LMNTD2: variants seen among roughly 807,000 people sequenced by gnomAD.
LMNTD2 encodes lamin tail domain containing 2.
In LMNTD2, 83 loss-of-function variants were observed where a neutral mutation model predicts 70.1. That is an observed-to-expected ratio of 1.18 (90% confidence interval 0.99 to 1.42). The LOEUF (loss-of-function observed/expected upper bound fraction) is 1.42. Among genes scored for constraint, LMNTD2 ranks in the 40% most tolerant of loss-of-function variants. LMNTD2 has a pLI of 0.00. For missense variants in LMNTD2, 1,153 were observed against 905.9 expected, an observed-to-expected ratio of 1.27 and a Z score of -3.50; for synonymous variants, 534 against 406.1, an observed-to-expected ratio of 1.31 and a Z score of -3.79.
intron 1 of LMNTD2, 165 bp downstream of exon 1, chr11:560,511 TGCGGTAG>T: frequency 7.9e-7 from 1 of 1,269,396 alleles, no homozygotes; most frequent in Non-Finnish European, 1.0e-6. Flanking sequence ...CTACTGCAGC[TGCGGTAG>T]GCCCCAAAGG....
In LMNTD2 at chr11:556,332, ACTT is replaced by A. The variant is rs771566028; in HGVS notation, c.1114_1116del (p.Lys372del). 1,105 of 1,535,850 alleles carry A rather than the reference ACTT, an allele frequency of 7.2e-4. No homozygotes were observed. The highest frequency in any genetic ancestry group is 9.3e-4 in the Non-Finnish European group (1,072 of 1,146,602). On this transcript the variant is annotated inframe_deletion, in exon 10 of 14. Transcript: ENST00000329451. ...TGCGACGGGTTGAAGATGCGGACGA[ACTT>A]CTCCCGGCAGCTCACAGCCACGATC...
Position 556,846 on chromosome 11 carries a change from C to G in LMNTD2, c.965G>C (p.Arg322Thr), listed in dbSNP as rs746009910. Reference protein sequence around the residue: ...QALVQAGSYSRDSEDLQKTHS... With the variant: ...QALVQAGSYSTDSEDLQKTHS... Reference sequence around the variant, plus strand: ...CCGCCCCACTGCACCTTCTGAGTCCCTGCTGTAGCTGCCGGCCTGCACCAG... The same window carrying G: ...CCGCCCCACTGCACCTTCTGAGTCCGTGCTGTAGCTGCCGGCCTGCACCAG... The change falls in exon 8 of 14, where the codon AGG becomes ACG. Residue 322 changes from arginine to threonine, a missense_variant. Coordinates refer to ENST00000329451, the MANE Select transcript of LMNTD2 (RefSeq NM_173573.3). 7 of 1,578,728 alleles carry G rather than the reference C, an allele frequency of 4.4e-6. No homozygotes were observed. Among genetic ancestry groups the G allele is most frequent in the South Asian group, 2.3e-5 (2 of 86,712 alleles).
intron 1 of LMNTD2, 180 bp downstream of exon 1, chr11:560,503 A>C: frequency 7.9e-7 from 1 of 1,262,196 alleles, no homozygotes. Context: ...CGTCCAGACT[A>C]CTGCAGCTGC....
At chr11:560,661 A>G (rs1362728723) in intron 1 of LMNTD2, 22 bp downstream of exon 1, 1 of 1,415,800 alleles carries the variant, frequency 7.1e-7, no homozygotes, top group Non-Finnish European at 9.3e-7. Context: ...AAGTCGGCCC[A>G]GGAGCGGGGC....
chr11:558,792 T>C (rs1373285982), intron 2 of LMNTD2, 26 bp from the exon 3 acceptor site: 1 of 1,600,142 alleles, frequency 6.2e-7, no homozygotes, highest in East Asian at 2.2e-5. Context: ...ACCCTGCTGC[T>C]TACTCAGGCC....
At chr11:559,792 C>T in intron 1 of LMNTD2, 1 of 1,035,496 alleles carries the variant, frequency 9.7e-7, no homozygotes, top group East Asian at 7.8e-5. Flanking sequence ...CAGGGTCTTG[C>T]TCCGCTGTCC....
intron 1 of LMNTD2, chr11:559,649 C>T (rs1430615565): frequency 1.4e-5 from 16 of 1,179,506 alleles, no homozygotes; most frequent in Non-Finnish European, 1.7e-5. Flanking sequence ...TGAGCCAGCC[C>T]AGCATAGCCA....
chr11:556,690 G>T, intron 8 of LMNTD2, 102 bp from the exon 9 acceptor site: 1 of 1,408,452 alleles, frequency 7.1e-7, no homozygotes, highest in Admixed American at 2.7e-5. Context: ...GCGGGGCAGG[G>T]AGCAGGGCCA....
chr11:554,959 C>T lies in LMNTD2; in HGVS notation c.*21G>A, dbSNP rs901415403. The T allele has an allele frequency of 9.8e-6, 15 of 1,530,286 alleles. No individual in the cohort carries two copies. The highest frequency in any genetic ancestry group is 8.5e-5 in the African/African-American group (6 of 70,316). 94.8% of individuals were successfully genotyped at this position (1,530,286 alleles called of 1,614,324 possible). Reference sequence around the variant, plus strand: ...GCCCGCCCGCGCCCTCCCTCGCGGTCCCGGCCCCACTCCTCCGCCCCTAGG... The same window carrying T: ...GCCCGCCCGCGCCCTCCCTCGCGGTTCCGGCCCCACTCCTCCGCCCCTAGG... On this transcript the variant is annotated 3_prime_UTR_variant, in exon 14 of 14. Coordinates refer to ENST00000329451, the MANE Select transcript of LMNTD2 (RefSeq NM_173573.3).
chr11:556,601 G>C lies in LMNTD2; in HGVS notation c.977-13C>G, dbSNP rs1218350911. ...GTTTTCTGGAGATCTAGAGAGAGCA[G>C]CGCTTTTGGGGAGGGGACCCTCGAA... On this transcript the variant is annotated splice_polypyrimidine_tract_variant and intron_variant, in intron 8 of 13. Transcript: ENST00000329451. The C allele has an allele frequency of 5.3e-6, 8 of 1,506,648 alleles. No individual in the cohort carries two copies. The highest frequency in any genetic ancestry group is 7.1e-6 in the Non-Finnish European group (8 of 1,127,474). 93.3% of individuals were successfully genotyped at this position (1,506,648 alleles called of 1,614,324 possible). A position where few individuals can be genotyped will look rare whatever the true frequency, so the allele number is the denominator to read the frequency against.
In LMNTD2 at chr11:558,263, ACCT is replaced by A; in HGVS notation, c.312-18_312-16del. The A allele has an allele frequency of 6.2e-7, 1 of 1,612,348 alleles. No homozygotes were observed. Reference sequence around the variant, plus strand: ...TGTGGGAGCTCCTGGAGGAGGGGTGACCTCAGCAGCCCCCACCCTGCTCAGGCA... The same window carrying A: ...TGTGGGAGCTCCTGGAGGAGGGGTGACAGCAGCCCCCACCCTGCTCAGGCA... On this transcript the variant is annotated splice_polypyrimidine_tract_variant and intron_variant, in intron 3 of 13. Coordinates refer to ENST00000329451, the MANE Select transcript of LMNTD2 (RefSeq NM_173573.3).
Position 555,170 on chromosome 11 carries a change from A to C in LMNTD2, c.1774-59T>G, listed in dbSNP as rs185023785. 2.2e-3 allele frequency: 443 copies of C among 201,822 alleles called. No individual in the cohort carries two copies. The highest frequency in any genetic ancestry group is 4.1e-3 in the Middle Eastern group (4 of 972). The allele number at this position is 201,822 out of a possible 1,614,324, so 12.5% of individuals were successfully genotyped here. ...CGGGGCGGGGACGGGAGGGGAGGGG[A>C]GGGGAGGAGAGGGGAGGGGCGGGGA... On this transcript the variant is annotated intron_variant, in intron 13 of 13. Transcript: ENST00000329451.
chr11:556,683 G>C, intron 8 of LMNTD2, 95 bp from the exon 9 acceptor site: 6 of 1,405,774 alleles, frequency 4.3e-6, no homozygotes, highest in African/African-American at 1.4e-5. Context: ...ACGCCTGGCG[G>C]GGCAGGGAGC....
intron 13 of LMNTD2, 38 bp downstream of exon 13, chr11:555,241 CGGGAGAGGAGAGGAGGAGAACGAGGA>C: frequency 4.3e-6 from 3 of 698,404 alleles, no homozygotes; most frequent in Non-Finnish European, 5.1e-6. Context: ...GAGGGAGGGG[CGGGAGAGGAGAGGAGGAGAACGAGGA>C]GGGAGAGGAG....
chr11:558,137 C>T (rs1207002793), intron 4 of LMNTD2, 24 bp downstream of exon 4: 2 of 1,612,170 alleles, frequency 1.2e-6, no homozygotes, highest in South Asian at 1.1e-5. Context: ...AGGACCCTGC[C>T]CACTCCCTGT....
At position 556,918 on chromosome 11, in the gene LMNTD2, A is replaced by G. The variant is rs765335395; in HGVS notation, c.893T>C (p.Val298Ala). The G allele has an allele frequency of 2.5e-6, 4 of 1,596,882 alleles. No homozygotes were observed. Among genetic ancestry groups the G allele is most frequent in the Admixed American group, 1.7e-5 (1 of 58,684 alleles). ...CRPGLPSFVQ[V>A]IGHPPRDHRA... ...GTGGTCCCGGGGCGGGTGCCCTATC[A>G]CCTGCACGAAGGAAGGCAGGCCCGG... Residue 298 changes from valine (V) to alanine (A), a missense_variant, in exon 8 of 14, where the codon GTG (valine) becomes GCG (alanine). Coordinates refer to ENST00000329451, the MANE Select transcript of LMNTD2 (RefSeq NM_173573.3).
chr11:557,455 G>A lies in LMNTD2; in HGVS notation c.657C>T (p.Ser219=), dbSNP rs757072911. ...AGAGGTTGGGATACCGGCGGGCAACGCTGTTCCAATCCACGTCCTCCAGCC... is the reference window on the plus strand; with the variant it reads ...AGAGGTTGGGATACCGGCGGGCAACACTGTTCCAATCCACGTCCTCCAGCC... The part of the protein sequence containing the change: ...GFRLEDVDWN[S]VARRYPNLFT... Residue 219 remains serine (S), a synonymous_variant, in exon 7 of 14, where the codon AGC becomes AGT. Coordinates refer to ENST00000329451, the MANE Select transcript of LMNTD2 (RefSeq NM_173573.3). 48 of 1,609,392 alleles carry A rather than the reference G, an allele frequency of 3.0e-5. 1 individual carries two copies. Among genetic ancestry groups the A allele is most frequent in the East Asian group, 4.5e-5 (2 of 44,726 alleles).
intron 8 of LMNTD2, 106 bp from the exon 9 acceptor site, chr11:556,694 A>AG: frequency 7.1e-7 from 1 of 1,406,968 alleles, no homozygotes; most frequent in South Asian, 1.5e-5. Context: ...GGCAGGGAGC[A>AG]GGGCCAGGGT....
rs777548733 is a variant in LMNTD2 at position 555,454 on chromosome 11, G to A, written c.1624C>T (p.Arg542Trp). The change falls in exon 13 of 14, where the codon CGG (arginine) becomes TGG (tryptophan). Residue 542 changes from arginine to tryptophan, a missense_variant. Physicochemically the swap from Arg to Trp is moderately radical, Grantham distance 101 (BLOSUM62 -3). Transcript: ENST00000329451. ...TTCTCGGGCCGCGCAGGCCCCTCCC[G>A]CGCGTGGAAGAGCTTCCCCGAGCTC... ...PVSSGKLFHAREGPARPENPE... is the reference protein window; with the variant it reads ...PVSSGKLFHAWEGPARPENPE... The A allele has an allele frequency of 2.2e-5, 31 of 1,378,634 alleles. 3 individuals carry two copies. The South Asian group carries it at 4.5e-4, about 20-fold the overall frequency. 85.4% of individuals were successfully genotyped at this position (1,378,634 alleles called of 1,614,324 possible).
Sources: allele counts gnomAD v4.1 joint callset, GRCh38; gene constraint gnomAD v4.1.1; transcripts MANE v1.5; gene names NCBI Gene and HGNC (gene_info 2026-07-23, HGNC 2026-07-21).